The following SLC25A23 variants were observed in gnomAD, a reference collection of about 807,000 sequenced individuals.
The protein encoded by SLC25A23 is solute carrier family 25 member 23, also known as mitochondrial adenyl nucleotide antiporter SLC25A23.
In SLC25A23, 32 loss-of-function variants were observed where a neutral mutation model predicts 53.9. The observed-to-expected ratio is 0.59, with a 90% CI of 0.45 to 0.80. SLC25A23 has a LOEUF of 0.80. Among genes scored for constraint, SLC25A23 ranks in the 30% least tolerant of loss-of-function variants. The pLI, the probability that SLC25A23 is intolerant of heterozygous loss-of-function variation, is 0.00. For missense variants in SLC25A23, 575 were observed against 651.4 expected, an observed-to-expected ratio of 0.88 and a Z score of 1.28; for synonymous variants, 275 against 264.5, an observed-to-expected ratio of 1.04 and a Z score of -0.38.
At position 6,456,037 on chromosome 19, in the gene SLC25A23, C is replaced by T. The variant is rs566802516; in HGVS notation, c.483+383G>A. On this transcript the variant is annotated intron_variant, in intron 4 of 9. Transcript: ENST00000301454. ...CCTGGCCAAGACCGTGGTTTTTGAACGATTCTGTTCAGCCGTAGAATCTTT... is the reference window on the plus strand; with the variant it reads ...CCTGGCCAAGACCGTGGTTTTTGAATGATTCTGTTCAGCCGTAGAATCTTT... 56 of 1,310,506 alleles carry T rather than the reference C, an allele frequency of 4.3e-5. No homozygotes were observed. In the East Asian group the frequency reaches 5.2e-4, roughly 12 times the overall value. The allele number at this position is 1,310,506 out of a possible 1,614,324, so 81.2% of individuals were successfully genotyped here.
Position 6,441,881 on chromosome 19 carries a change from G to A in SLC25A23, c.*94C>T, listed in dbSNP as rs1055713026. On this transcript the variant is annotated 3_prime_UTR_variant, in exon 10 of 10. Coordinates refer to ENST00000301454, the MANE Select transcript of SLC25A23 (RefSeq NM_024103.3). ...TCCAGGATCTGGGTACTGGGATCTC[G>A]TGGCCAAAGAGTAGGGATCCTGTGG... 1.1e-5 allele frequency: 14 copies of A among 1,229,464 alleles called. No individual in the cohort carries two copies. The highest frequency in any genetic ancestry group is 1.9e-4 in the Middle Eastern group (1 of 5,170). The allele number at this position is 1,229,464 out of a possible 1,614,324, so 76.2% of individuals were successfully genotyped here.
chr19:6,458,307 A>G lies in SLC25A23; in HGVS notation c.174T>C (p.Gly58=). The G allele has an allele frequency of 5.6e-6, 9 of 1,612,736 alleles. No individual in the cohort carries two copies. The highest frequency in any genetic ancestry group is 6.8e-6 in the Non-Finnish European group (8 of 1,179,860). Residue 58 remains glycine, a synonymous_variant, in exon 2 of 10, where the codon GGT becomes GGC. Coordinates refer to ENST00000301454, the MANE Select transcript of SLC25A23 (RefSeq NM_024103.3). Reference sequence around the variant, plus strand: ...CGAGCCCGCCATCTGGGTCAGCATCACCCTCAGAGGAGATACCCTGACAGA... The same window carrying G: ...CGAGCCCGCCATCTGGGTCAGCATCGCCCTCAGAGGAGATACCCTGACAGA... ...PGAQQGISSE[G]DADPDGGLDL... is the part of the protein sequence containing the mutation.
chr19:6,452,210 C>G, intron 8 of SLC25A23, 102 bp downstream of exon 8: 2 of 1,493,104 alleles, frequency 1.3e-6, no homozygotes, highest in Non-Finnish European at 1.8e-6. Flanking sequence ...CTTTCTCTAA[C>G]TATAGCAGGT....
At chr19:6,445,396 A>G (rs2092488480) in intron 8 of SLC25A23, among the ~76,000 whole-genome samples, 1 of 152,228 alleles carries the variant, frequency 6.6e-6, no homozygotes, top group Admixed American at 6.5e-5. Flanking sequence ...AGCATGAGTC[A>G]CCATGCCCGG....
Position 6,454,155 on chromosome 19 carries a change from C to A in SLC25A23, c.796-67G>T. On this transcript the variant is annotated intron_variant, in intron 6 of 9. Transcript: ENST00000301454. The surrounding 1 kb of genome is among the most constrained non-coding windows in gnomAD (Gnocchi z 4.3). Reference sequence around the variant, plus strand: ...TGAACCTTCCTTGCACTCCACTGTTCTCCTGGCTTCCAAAGAACTGGCTTG... The same window carrying A: ...TGAACCTTCCTTGCACTCCACTGTTATCCTGGCTTCCAAAGAACTGGCTTG... The A allele has an allele frequency of 1.3e-6, 2 of 1,534,126 alleles. No homozygotes were observed. Among genetic ancestry groups the A allele is most frequent in the South Asian group, 1.2e-5 (1 of 82,308 alleles).
chr19:6,438,924 C>A (rs756779469), downstream of SLC25A23: 1 of 163,108 alleles, frequency 6.1e-6, no homozygotes, highest in Non-Finnish European at 1.4e-5. Flanking sequence ...GCCTGTGGTT[C>A]TAGCTGCTCG....
chr19:6,436,771 C>A (rs1311463838), downstream of SLC25A23, among the ~76,000 whole-genome samples: 2 of 151,986 alleles, frequency 1.3e-5, no homozygotes, highest in Non-Finnish European at 2.9e-5. Flanking sequence ...TGGTCTCGAA[C>A]TCCTGACCTC....
chr19:6,456,083 CAGAAG>C, intron 4 of SLC25A23: 1 of 1,369,552 alleles, frequency 7.3e-7, no homozygotes, highest in South Asian at 1.2e-5. Context: ...GAGAACCCAG[CAGAAG>C]AGAGCTGTGT....
intron 8 of SLC25A23, among the ~76,000 whole-genome samples, chr19:6,451,967 C>T (rs2092599378): frequency 6.6e-6 from 1 of 151,758 alleles, no homozygotes; most frequent in Admixed American, 6.6e-5. Flanking sequence ...AAGCAATTCT[C>T]ATGCCTCGGC....
intron 8 of SLC25A23, among the ~76,000 whole-genome samples, chr19:6,445,579 T>C (rs772967485): frequency 1.8e-4 from 28 of 152,312 alleles, no homozygotes; most frequent in Non-Finnish European, 4.0e-4. Context: ...GATTTCCTCC[T>C]GGAGCATCCA....
chr19:6,438,727 T>C, downstream of SLC25A23: 1 of 276,704 alleles, frequency 3.6e-6, no homozygotes, highest in Non-Finnish European at 7.7e-6. Context: ...TGCGCACCTG[T>C]AATACCAGCT....
chr19:6,445,203 G>A (rs902804671), intron 8 of SLC25A23, among the ~76,000 whole-genome samples: 1 of 151,456 alleles, frequency 6.6e-6, no homozygotes, highest in East Asian at 2.0e-4. Flanking sequence ...TCCGCCTCCT[G>A]GCTTCAAGCG....
At chr19:6,439,384 ATC>A (rs71174914), downstream of SLC25A23, among the ~76,000 whole-genome samples, 9,215 of 137,622 alleles carry the variant, frequency 0.067, 289 homozygotes, top group Middle Eastern at 0.092. Flanking sequence ...GTGAGATCCT[ATC>A]TCTCTCTCTC....
rs150694715 is a variant in SLC25A23, at chr19:6,458,340, G to A, written c.157-16C>T. 0.013 allele frequency: 21,160 copies of A among 1,610,218 alleles called. 160 individuals are homozygous for A. Among genetic ancestry groups the A allele is most frequent in the Non-Finnish European group, 0.016 (18,787 of 1,178,894 alleles). ...AGGAGATACCCTGACAGAGGGAAAG[G>A]GGATAGAGGTGGCTCCAGGAACCTG... On this transcript the variant is annotated splice_polypyrimidine_tract_variant and intron_variant, in intron 1 of 9. Transcript: ENST00000301454.
intron 9 of SLC25A23, among the ~76,000 whole-genome samples, chr19:6,442,804 G>T (rs2092441996): frequency 6.6e-6 from 1 of 152,056 alleles, no homozygotes; most frequent in East Asian, 1.9e-4. Flanking sequence ...ATCCGCCTCG[G>T]CCTCCCAAAG....
intron 4 of SLC25A23, 120 bp downstream of exon 4, chr19:6,456,300 A>T: frequency 9.6e-7 from 1 of 1,042,496 alleles, no homozygotes; most frequent in Non-Finnish European, 1.4e-6. Flanking sequence ...AGCTGCTGCC[A>T]GTGCCTTCTC....
chr19:6,449,398 G>A lies in SLC25A23; in HGVS notation c.1071+2914C>T, dbSNP rs534118109. Among the ~76,000 whole-genome samples the A allele has an allele frequency of 3.3e-5, 5 of 150,164 alleles. No individual in the cohort carries two copies. The East Asian group carries it at 8.0e-4, about 24-fold the overall frequency. On this transcript the variant is annotated intron_variant, in intron 8 of 9. Transcript: ENST00000301454. Reference sequence around the variant, plus strand: ...CTCCTGAGTAGCTGGCACTACAGGTGTGCACCACCACACCTGGCTATTTTT... The same window carrying A: ...CTCCTGAGTAGCTGGCACTACAGGTATGCACCACCACACCTGGCTATTTTT...
chr19:6,459,759 C>G lies in SLC25A23; in HGVS notation c.-131G>C. 7 of 743,592 alleles carry G rather than the reference C, an allele frequency of 9.4e-6. No homozygotes were observed. Among genetic ancestry groups the G allele is most frequent in the Non-Finnish European group, 1.3e-5 (7 of 556,012 alleles). The allele number at this position is 743,592 out of a possible 1,614,324, so 46.1% of individuals were successfully genotyped here. ...GCCGGCTCCGCAGCCTCCGCGCAGT[C>G]CGCTCGGCTCTGGCACTTGCGGGAG... On this transcript the variant is annotated 5_prime_UTR_variant, in exon 1 of 10. Coordinates refer to ENST00000301454, the MANE Select transcript of SLC25A23 (RefSeq NM_024103.3). The surrounding 1 kb of genome is among the most constrained non-coding windows in gnomAD (Gnocchi z 4.6).
intron 8 of SLC25A23, among the ~76,000 whole-genome samples, chr19:6,448,502 GCT>G (rs971890099): frequency 2.0e-5 from 3 of 147,176 alleles, no homozygotes; most frequent in African/African-American, 7.6e-5. Context: ...ATGAAATCTC[GCT>G]CTCTCACCCA....
Sources: allele counts gnomAD v4.1 joint callset (sites outside exome capture counted in the v4.1 genomes callset), GRCh38; gene constraint gnomAD v4.1.1; non-coding constraint Gnocchi (gnomAD v3.1); transcripts MANE v1.5; gene names NCBI Gene and HGNC (gene_info 2026-07-23, HGNC 2026-07-21).